The following MAP4 variants were observed in gnomAD, a reference collection of about 807,000 sequenced individuals.
MAP4 encodes the protein microtubule associated protein 4, also known as microtubule-associated protein 4.
MAP4 carries 76 observed loss-of-function variants against 170.2 expected under a neutral mutation model. The observed-to-expected ratio is 0.45, with a 90% CI of 0.37 to 0.54. The LOEUF (loss-of-function observed/expected upper bound fraction) is 0.54. MAP4 is among the 20% of genes least tolerant of loss of function. The pLI is 0.00. For missense variants in MAP4, 2,506 were observed against 2,748.0 expected (o/e 0.91, Z 1.97); for synonymous variants, 909 against 994.5 (o/e 0.91, Z 1.62).
chr3:47,918,434 A>G (rs777249744), intron 6 of MAP4, among the ~76,000 whole-genome samples: 19 of 152,080 alleles, frequency 1.2e-4, no homozygotes, highest in Non-Finnish European at 2.8e-4. Flanking sequence ...ATCTGTACTG[A>G]ATTAAAAAAA....
At chr3:47,854,165 A>G (rs1441395182) in intron 19 of MAP4, among the ~76,000 whole-genome samples, 1 of 152,230 alleles carries the variant, frequency 6.6e-6, no homozygotes. Flanking sequence ...GAACAAGGAA[A>G]AGAACACAAG....
At chr3:47,939,312 T>TTA (rs1460061726) in intron 3 of MAP4, among the ~76,000 whole-genome samples, 1 of 148,958 alleles carries the variant, frequency 6.7e-6, no homozygotes, top group African/African-American at 2.6e-5. Flanking sequence ...AGTATTCTAT[T>TTA]TATCATTAAA....
intron 3 of MAP4, among the ~76,000 whole-genome samples, chr3:47,965,872 A>C (rs1464877957): frequency 6.6e-6 from 1 of 152,048 alleles, no homozygotes; most frequent in Admixed American, 6.6e-5. Context: ...AAAAATTTTC[A>C]ATTTTCATAT....
intron 17 of MAP4, among the ~76,000 whole-genome samples, chr3:47,865,466 G>A (rs1330068220): frequency 1.3e-5 from 2 of 152,166 alleles, no homozygotes; most frequent in Non-Finnish European, 2.9e-5. Flanking sequence ...TTTCTACCCA[G>A]GCCAGGAAGA....
chr3:48,007,820 G>A (rs569048714), intron 1 of MAP4, among the ~76,000 whole-genome samples: 1 of 151,950 alleles, frequency 6.6e-6, no homozygotes, highest in Non-Finnish European at 1.5e-5. Flanking sequence ...ATACAGGTGC[G>A]TGCCACCACA....
At chr3:47,992,632 G>A (rs547843437) in intron 2 of MAP4, among the ~76,000 whole-genome samples, 18 of 152,132 alleles carry the variant, frequency 1.2e-4, no homozygotes, top group African/African-American at 2.7e-4. Flanking sequence ...CAACAAGTTC[G>A]TGGAAAATGC....
intron 2 of MAP4, among the ~76,000 whole-genome samples, chr3:47,982,925 T>C (rs777185525): frequency 1.3e-5 from 2 of 152,254 alleles, no homozygotes; most frequent in East Asian, 3.9e-4. Flanking sequence ...TGAGACAGAG[T>C]CTAGCTCTAT....
intron 1 of MAP4, among the ~76,000 whole-genome samples, chr3:48,082,293 A>G (rs377180235): frequency 6.6e-6 from 1 of 152,348 alleles, no homozygotes; most frequent in East Asian, 1.9e-4. Context: ...ATTCTGTATA[A>G]CCTCACAGTT....
At position 47,911,350 on chromosome 3, in the gene MAP4, T is replaced by TC; in HGVS notation, c.3070dup (p.Glu1024GlyfsTer11). 2.0e-6 allele frequency: 3 copies of TC among 1,536,050 alleles called. No individual in the cohort carries two copies. Among genetic ancestry groups the TC allele is most frequent in the Non-Finnish European group, 2.6e-6 (3 of 1,146,886 alleles). On this transcript the variant is annotated frameshift_variant, in exon 9 of 21. Coordinates refer to ENST00000683076, the MANE Select transcript of MAP4 (RefSeq NM_001385682.1). LOFTEE classifies it high-confidence loss of function. This position sits in a 1 kb window ranked among gnomAD's most constrained non-coding sequence, Gnocchi z 4.0. ...AGTAAAGATGCTGATCTCTTGTCTT[T>TC]CGTTGGGAAAAGCTTCCTTTTTTAG... is the stretch of plus-strand genomic sequence containing the variant.
At chr3:48,025,903 A>AATAAT (rs2100112825) in intron 1 of MAP4, among the ~76,000 whole-genome samples, 2 of 140,268 alleles carry the variant, frequency 1.4e-5, no homozygotes, top group East Asian at 2.1e-4. Context: ...TCTGCCTCAA[A>AATAAT]AATAATAATA....
At chr3:47,871,877 C>A in intron 13 of MAP4, 40 bp downstream of exon 13, 1 of 1,558,676 alleles carries the variant, frequency 6.4e-7, no homozygotes, top group Non-Finnish European at 8.7e-7. Context: ...ATCCCATTTT[C>A]CCCTCCCTAG....
intron 9 of MAP4, among the ~76,000 whole-genome samples, chr3:47,904,579 T>A (rs2100031839): frequency 6.7e-6 from 1 of 149,780 alleles, no homozygotes; most frequent in Non-Finnish European, 1.5e-5. Context: ...GTGCTATTAT[T>A]ATTAACACCC....
intron 3 of MAP4, among the ~76,000 whole-genome samples, chr3:47,972,516 A>T (rs1422690937): frequency 6.6e-6 from 1 of 152,218 alleles, no homozygotes; most frequent in Non-Finnish European, 1.5e-5. Flanking sequence ...TCACCAAATG[A>T]CATTAAATAT....
At chr3:47,983,984 A>G (rs1029603797) in intron 2 of MAP4, among the ~76,000 whole-genome samples, 1 of 152,124 alleles carries the variant, frequency 6.6e-6, no homozygotes, top group Non-Finnish European at 1.5e-5. Context: ...TTTATAAATG[A>G]TCTGTGCAAT....
chr3:47,878,858 C>T (rs1356976283), intron 10 of MAP4, among the ~76,000 whole-genome samples: 1 of 152,058 alleles, frequency 6.6e-6, no homozygotes, highest in African/African-American at 2.4e-5. Flanking sequence ...TTAATATTAA[C>T]ATATTGTCAA....
chr3:47,888,335 A>G (rs1023073252), intron 10 of MAP4, among the ~76,000 whole-genome samples: 27 of 152,164 alleles, frequency 1.8e-4, no homozygotes, highest in Admixed American at 1.8e-3. Context: ...CGTTCTTTGC[A>G]ATAAATCTTG....
chr3:48,074,725 T>TGTGTGTGTGTGTGTGTGTGTGTGTGA (rs756153345), intron 1 of MAP4, among the ~76,000 whole-genome samples: 24 of 147,414 alleles, frequency 1.6e-4, no homozygotes, highest in East Asian at 4.0e-4. Context: ...TGTGTGTGTG[T>TGTGTGTGTGTGTGTGTGTGTGTGTGA]GATATGTCGG....
intron 3 of MAP4, among the ~76,000 whole-genome samples, chr3:47,968,204 GAAC>G (rs1397805891): frequency 2.6e-5 from 4 of 152,120 alleles, no homozygotes; most frequent in Non-Finnish European, 5.9e-5. Flanking sequence ...CTAATGGATA[GAAC>G]AACAAGACAG....
intron 2 of MAP4, among the ~76,000 whole-genome samples, chr3:47,996,651 A>C (rs1195196204): frequency 6.6e-6 from 1 of 152,142 alleles, no homozygotes; most frequent in Admixed American, 6.5e-5. Flanking sequence ...ACTAAACCCA[A>C]GAGACATGCC....
Sources: gnomAD v4.1 joint callset for allele counts (sites outside exome capture counted in the v4.1 genomes callset) on GRCh38, gnomAD v4.1.1 for gene constraint, Gnocchi (gnomAD v3.1) non-coding constraint, MANE v1.5 for transcripts, NCBI Gene and HGNC (gene_info 2026-07-23, HGNC 2026-07-21) for gene names.